CEP112: variants seen among roughly 807,000 people sequenced by gnomAD.
CEP112 encodes the protein centrosomal protein of 112 kDa.
In CEP112, 127 loss-of-function variants were observed where a neutral mutation model predicts 153.0. The ratio of observed to expected loss-of-function variants is 0.83; its 90% CI spans 0.72 to 0.96. The LOEUF (loss-of-function observed/expected upper bound fraction) is 0.96. Among genes scored for constraint, CEP112 ranks in the 40% least tolerant of loss-of-function variants. The pLI is 0.00. For synonymous variants in CEP112, 358 were observed against 374.4 expected, an observed-to-expected ratio of 0.96 and a Z score of 0.51; for missense variants, 1,089 against 1,101.2, an observed-to-expected ratio of 0.99 and a Z score of 0.16.
chr17:66,031,285 C>T (rs892379189), intron 12 of CEP112, among the ~76,000 whole-genome samples: 10 of 151,850 alleles, frequency 6.6e-5, no homozygotes, highest in Non-Finnish European at 1.3e-4. Flanking sequence ...TTTTAGATGG[C>T]GGAATAAAGA....
At chr17:65,777,659 C>T (rs1277710084) in intron 21 of CEP112, among the ~76,000 whole-genome samples, 2 of 152,188 alleles carry the variant, frequency 1.3e-5, no homozygotes, top group Non-Finnish European at 2.9e-5. Flanking sequence ...TATTCTTAAT[C>T]TGGAGCTATA....
intron 8 of CEP112, among the ~76,000 whole-genome samples, chr17:66,073,311 C>T (rs2067368154): frequency 6.6e-6 from 1 of 152,188 alleles, no homozygotes; most frequent in Non-Finnish European, 1.5e-5. Context: ...GGTACAACAA[C>T]TGGAGTCCAT....
chr17:66,137,045 G>A (rs879781761), intron 4 of CEP112, among the ~76,000 whole-genome samples: 3 of 152,002 alleles, frequency 2.0e-5, no homozygotes, highest in East Asian at 3.8e-4. Context: ...AGAAATGAAG[G>A]TAAATGGATT....
intron 23 of CEP112, among the ~76,000 whole-genome samples, chr17:65,695,755 C>A (rs2048324004): frequency 6.6e-6 from 1 of 152,210 alleles, no homozygotes; most frequent in African/African-American, 2.4e-5. Context: ...AGTACTGTAG[C>A]AAGACCGGAC....
chr17:65,855,225 C>G (rs2058086396), intron 20 of CEP112, among the ~76,000 whole-genome samples: 1 of 152,178 alleles, frequency 6.6e-6, no homozygotes, highest in Non-Finnish European at 1.5e-5. Context: ...CTGCTCTTGT[C>G]TCTCTCTTTT....
chr17:65,654,421 A>G (rs2045953586), intron 24 of CEP112, among the ~76,000 whole-genome samples: 1 of 152,216 alleles, frequency 6.6e-6, no homozygotes, highest in Admixed American at 6.5e-5. Flanking sequence ...GCGCAATAGG[A>G]GTCCTCCATT....
At chr17:66,018,859 G>A (rs1385113255) in intron 16 of CEP112, among the ~76,000 whole-genome samples, 2 of 152,172 alleles carry the variant, frequency 1.3e-5, no homozygotes, top group Non-Finnish European at 2.9e-5. Flanking sequence ...TGTCTGGCAT[G>A]TTTCTCTAGG....
chr17:65,927,646 C>T lies in CEP112; in HGVS notation c.1916G>A (p.Arg639His), dbSNP rs752106202. ...EADLTRSKSL[R>H]EKQSKEFLWQ... The stretch of plus-strand genomic sequence containing the variant: ...TAAAAACTCCTTTGATTGTTTCTCA[C>T]GAAGAGATTTGGATCTAGTTAGATC... The change falls in exon 19 of 27, where the codon CGT (arginine) becomes CAT (histidine). Residue 639 changes from arginine to histidine, a missense_variant. Coordinates refer to ENST00000535342, the MANE Select transcript of CEP112 (RefSeq NM_001199165.4). The T allele has an allele frequency of 3.0e-5, 48 of 1,601,482 alleles. No individual in the cohort carries two copies. The highest frequency in any genetic ancestry group is 1.0e-4 in the Admixed American group (6 of 57,256).
chr17:65,802,303 G>T (rs1445632562), intron 21 of CEP112, among the ~76,000 whole-genome samples: 1 of 152,076 alleles, frequency 6.6e-6, no homozygotes, highest in Non-Finnish European at 1.5e-5. Flanking sequence ...TTGCTACAGG[G>T]TTACATTCTT....
chr17:65,815,358 C>G (rs1193991419), intron 21 of CEP112, among the ~76,000 whole-genome samples: 1 of 152,094 alleles, frequency 6.6e-6, no homozygotes, highest in Non-Finnish European at 1.5e-5. Flanking sequence ...TTTCAAGACT[C>G]TTTATTTTGT....
At position 65,649,480 on chromosome 17, in the gene CEP112, G is replaced by C. The variant is rs149937884; in HGVS notation, c.2698-8415C>G. On this transcript the variant is annotated intron_variant, in intron 24 of 26. Transcript: ENST00000535342. ...GCCTCTAATCCCAGCACTTTGGGAG[G>C]CTGAGGCAGGAGTATTGCTTGAACT... Among the ~76,000 whole-genome samples, 264 of 152,200 alleles carry C rather than the reference G, an allele frequency of 1.7e-3. 1 individual carries two copies. Among genetic ancestry groups the C allele is most frequent in the African/African-American group, 6.2e-3 (256 of 41,532 alleles).
chr17:65,657,185 T>C (rs1440558279), intron 24 of CEP112, among the ~76,000 whole-genome samples: 1 of 152,238 alleles, frequency 6.6e-6, no homozygotes, highest in Non-Finnish European at 1.5e-5. Flanking sequence ...ATGGTTGAGA[T>C]AGTCAATGAC....
chr17:65,902,257 T>G lies in CEP112; in HGVS notation c.2058A>C (p.Leu686=). The change falls in exon 20 of 27, where the codon CTA becomes CTC. Residue 686 remains leucine (L), a synonymous_variant. Coordinates refer to ENST00000535342, the MANE Select transcript of CEP112 (RefSeq NM_001199165.4). ...CAATTTCCCGTTCATGGTCTCGGAC[T>G]AGGCTATCCTTCTCTGCGTTATGCT... The part of the protein sequence containing the change: ...LQQHNAEKDS[L]VRDHEREIEN... 3 of 1,614,088 alleles carry G rather than the reference T, an allele frequency of 1.9e-6. No individual in the cohort carries two copies. The highest frequency in any genetic ancestry group is 2.5e-6 in the Non-Finnish European group (3 of 1,179,990).
At position 66,012,637 on chromosome 17, in the gene CEP112, C is replaced by T. The variant is rs183629749; in HGVS notation, c.1657-6868G>A. Among the ~76,000 whole-genome samples, 267 of 152,122 alleles carry T rather than the reference C, an allele frequency of 1.8e-3. 2 individuals carry two copies. The highest frequency in any genetic ancestry group is 6.1e-3 in the African/African-American group (253 of 41,510). On this transcript the variant is annotated intron_variant, in intron 16 of 26. Coordinates refer to ENST00000535342, the MANE Select transcript of CEP112 (RefSeq NM_001199165.4). ...GGCTTCACTTTGTAGGTGACGTGCC[C>T]CTTCTCTCTAGCTGTCTTTAATATT...
chr17:66,155,999 G>A (rs2071422613), intron 4 of CEP112, among the ~76,000 whole-genome samples: 1 of 152,196 alleles, frequency 6.6e-6, no homozygotes, highest in Admixed American at 6.5e-5. Context: ...TCTGAAGAGA[G>A]CAGTGGATCT....
At chr17:65,976,253 C>T (rs1447529876) in intron 17 of CEP112, among the ~76,000 whole-genome samples, 1 of 152,258 alleles carries the variant, frequency 6.6e-6, no homozygotes, top group Admixed American at 6.5e-5. Context: ...TCCCAACCTT[C>T]ACCTGGCCAC....
chr17:65,764,734 C>T (rs891410627), intron 21 of CEP112, among the ~76,000 whole-genome samples: 1 of 151,590 alleles, frequency 6.6e-6, no homozygotes, highest in Non-Finnish European at 1.5e-5. Context: ...TACTCTGTGT[C>T]TTTGGATTGG....
intron 4 of CEP112, among the ~76,000 whole-genome samples, chr17:66,142,278 T>G (rs552043106): frequency 2.0e-5 from 3 of 152,348 alleles, no homozygotes; most frequent in African/African-American, 7.2e-5. Context: ...ATATGTGGCT[T>G]GCAAATATTT....
intron 21 of CEP112, among the ~76,000 whole-genome samples, chr17:65,760,831 T>G (rs147893661): frequency 7.9e-4 from 121 of 152,260 alleles, no homozygotes; most frequent in African/African-American, 2.7e-3. Context: ...GTATAATTTC[T>G]TCCTTAAAAG....
Sources: allele counts gnomAD v4.1 joint callset (sites outside exome capture counted in the v4.1 genomes callset), GRCh38; gene constraint gnomAD v4.1.1; transcripts MANE v1.5; gene names NCBI Gene and HGNC (gene_info 2026-07-23, HGNC 2026-07-21).